Variants in CNTLN observed in about 807,000 individuals in gnomAD.
CNTLN encodes the protein centlein, centrosomal protein.
In CNTLN, 212 loss-of-function variants were observed where a neutral mutation model predicts 180.0. That is an observed-to-expected ratio of 1.18 (90% CI 1.05 to 1.32). The LOEUF is 1.32. Ranked by LOEUF, CNTLN falls within the 40% of genes most tolerant of loss-of-function variation. The pLI is 0.00. For missense variants in CNTLN, 2,095 were observed against 1,610.9 expected (o/e 1.30, Z -5.14); for synonymous variants, 722 against 563.1 (o/e 1.28, Z -3.99).
At chr9:17,247,095 A>AGAT (rs1825840873) in intron 5 of CNTLN, among the ~76,000 whole-genome samples, 1 of 152,132 alleles carries the variant, frequency 6.6e-6, no homozygotes, top group Non-Finnish European at 1.5e-5. Flanking sequence ...GCCTTTGCTT[A>AGAT]GATGATGGGT....
chr9:17,164,864 C>G (rs1011301814), intron 2 of CNTLN, among the ~76,000 whole-genome samples: 5 of 137,594 alleles, frequency 3.6e-5, no homozygotes, highest in African/African-American at 1.4e-4. Flanking sequence ...GAGACAGAGT[C>G]TCACTCTGTC....
intron 5 of CNTLN, among the ~76,000 whole-genome samples, chr9:17,255,487 CA>C (rs1374551244): frequency 6.6e-6 from 1 of 151,156 alleles, no homozygotes; most frequent in Non-Finnish European, 1.5e-5. Context: ...TGGTTTATTT[CA>C]TAAATTGAAT....
intron 8 of CNTLN, among the ~76,000 whole-genome samples, chr9:17,329,130 T>C (rs1820482943): frequency 6.6e-6 from 1 of 152,042 alleles, no homozygotes; most frequent in Admixed American, 6.6e-5. Context: ...AATTATGTTT[T>C]TCTGATTTTA....
downstream of CNTLN, among the ~76,000 whole-genome samples, chr9:17,507,002 T>A (rs1168321501): frequency 6.6e-6 from 1 of 152,144 alleles, no homozygotes. Context: ...CTGTCTTTAT[T>A]TTATTTTAGA....
chr9:17,450,830 T>A (rs773809388), intron 18 of CNTLN, among the ~76,000 whole-genome samples: 3 of 152,166 alleles, frequency 2.0e-5, no homozygotes, highest in Non-Finnish European at 4.4e-5. Context: ...CCTAAGGGTT[T>A]TTTTTGGTTA....
At chr9:17,239,434 C>G (rs1825355656) in intron 5 of CNTLN, among the ~76,000 whole-genome samples, 1 of 146,820 alleles carries the variant, frequency 6.8e-6, no homozygotes, top group Non-Finnish European at 1.5e-5. Flanking sequence ...ACTTTTTACT[C>G]TTTTGATGGT....
rs561536782 is a variant in CNTLN, at chr9:17,198,200, A to G, written c.450-28003A>G. On this transcript the variant is annotated intron_variant, in intron 2 of 25. Transcript: ENST00000380647. ...CAGTTTAGTTCTTTTTGCTCAGGAT[A>G]TCTTTGGCTATTTTGGGTCTTTGGT... is the stretch of plus-strand genomic sequence containing the variant. Among the ~76,000 whole-genome samples, 571 of 152,160 alleles carry G rather than the reference A, an allele frequency of 3.8e-3. 3 individuals carry two copies. Among genetic ancestry groups the G allele is most frequent in the African/African-American group, 0.013 (549 of 41,534 alleles).
chr9:17,418,108 T>C (rs1828407637), intron 18 of CNTLN, among the ~76,000 whole-genome samples: 1 of 152,054 alleles, frequency 6.6e-6, no homozygotes, highest in Non-Finnish European at 1.5e-5. Context: ...TTCATTGTTA[T>C]ATGTAATTTT....
chr9:17,313,156 T>A (rs1429125129), intron 8 of CNTLN, among the ~76,000 whole-genome samples: 1 of 152,198 alleles, frequency 6.6e-6, no homozygotes, highest in Admixed American at 6.5e-5. Flanking sequence ...ATGGTTATAT[T>A]TTGCATAGTA....
At chr9:17,239,733 C>T (rs1477957103) in intron 5 of CNTLN, among the ~76,000 whole-genome samples, 2 of 152,020 alleles carry the variant, frequency 1.3e-5, no homozygotes, top group Non-Finnish European at 2.9e-5. Context: ...ATTCTTTTTT[C>T]CCCACTGAAT....
chr9:17,153,813 T>C (rs1188106710), intron 2 of CNTLN, among the ~76,000 whole-genome samples: 1 of 152,228 alleles, frequency 6.6e-6, no homozygotes, highest in African/African-American at 2.4e-5. Flanking sequence ...GACTTGGTCT[T>C]TTCACATAGT....
chr9:17,208,737 A>G (rs1187339934), intron 2 of CNTLN, among the ~76,000 whole-genome samples: 1 of 152,058 alleles, frequency 6.6e-6, no homozygotes, highest in Non-Finnish European at 1.5e-5. Flanking sequence ...AGATTTTCCA[A>G]TTTATCGGCG....
At chr9:17,378,853 G>A (rs909544439) in intron 13 of CNTLN, among the ~76,000 whole-genome samples, 2 of 152,098 alleles carry the variant, frequency 1.3e-5, no homozygotes, top group African/African-American at 4.8e-5. Context: ...AACCATTTCT[G>A]CTGCTCTTCA....
At position 17,281,111 on chromosome 9, in the gene CNTLN, G is replaced by A. The variant is rs189183481; in HGVS notation, c.983+7245G>A. On this transcript the variant is annotated intron_variant, in intron 6 of 25. Coordinates refer to ENST00000380647, the MANE Select transcript of CNTLN (RefSeq NM_017738.4). ...TGGCTTTCTATTGGTATTTCACAGC[G>A]GCATAATGGCTTATTTTTTGTACTT... Among the ~76,000 whole-genome samples the A allele has an allele frequency of 2.2e-3, 330 of 152,082 alleles. 1 individual carries two copies. The highest frequency in any genetic ancestry group is 7.4e-3 in the African/African-American group (307 of 41,492).
intron 10 of CNTLN, among the ~76,000 whole-genome samples, chr9:17,334,420 TACACACACACAC>T (rs56376464): frequency 1.3e-5 from 2 of 149,720 alleles, no homozygotes; most frequent in South Asian, 2.1e-4. Context: ...GCCAATAGAA[TACACACACACAC>T]ACACACACAC....
chr9:17,406,993 G>C (rs1194995431), intron 15 of CNTLN, among the ~76,000 whole-genome samples: 2 of 152,026 alleles, frequency 1.3e-5, no homozygotes, highest in African/African-American at 4.8e-5. Context: ...TTTCTGCTAA[G>C]TTTTGGCCAA....
intron 15 of CNTLN, among the ~76,000 whole-genome samples, chr9:17,400,672 G>C (rs143908480): frequency 1.5e-3 from 228 of 152,174 alleles, no homozygotes; most frequent in African/African-American, 5.3e-3. Context: ...CCTAAAACAT[G>C]TTCAGTACTG....
At chr9:17,511,095 T>C in the CNTLN span, among the ~76,000 whole-genome samples, 1 of 152,208 alleles carries the variant, frequency 6.6e-6, no homozygotes, top group African/African-American at 2.4e-5. Flanking sequence ...ATTTTTCTTT[T>C]TGAGTTCTAG....
rs1554682900 is a variant in CNTLN, at chr9:17,302,123, C to CACAT, written c.1146+3774_1146+3775insTACA. The CACAT allele has an allele frequency of 3.6e-4, 326 of 912,832 alleles. 2 individuals are homozygous for CACAT. The African/African-American group carries it at 5.7e-3, about 16-fold the overall frequency. 56.5% of individuals were successfully genotyped at this position (912,832 alleles called of 1,614,324 possible). A position where few individuals can be genotyped will look rare whatever the true frequency, so the allele number is the denominator to read the frequency against. On this transcript the variant is annotated intron_variant, in intron 7 of 25. Transcript: ENST00000380647. ...ACACACACACACACACACACACAGA[C>CACAT]ACACACACACTGACCTATCCACCCA...
Sources: gnomAD v4.1 joint callset for allele counts (sites outside exome capture counted in the v4.1 genomes callset) on GRCh38, gnomAD v4.1.1 for gene constraint, MANE v1.5 for transcripts, NCBI Gene and HGNC (gene_info 2026-07-23, HGNC 2026-07-21) for gene names.